Variants in SLC17A5 observed in about 807,000 individuals in gnomAD.
The protein encoded by SLC17A5 is solute carrier family 17 member 5.
Under a neutral mutation model 59.4 loss-of-function variants are expected in SLC17A5, and 47 were observed. The ratio of observed to expected loss-of-function variants is 0.79; its 90% CI spans 0.63 to 1.01. SLC17A5 has a LOEUF of 1.01. SLC17A5 is among the 50% of genes least tolerant of loss of function. The pLI is 0.00. For missense variants in SLC17A5, 522 were observed against 595.5 expected (o/e 0.88, Z 1.28); for synonymous variants, 202 against 210.7 (o/e 0.96, Z 0.36).
intron 9 of SLC17A5, among the ~76,000 whole-genome samples, chr6:73,606,094 G>A (rs1404530710): frequency 6.6e-6 from 1 of 151,954 alleles, no homozygotes; most frequent in East Asian, 1.9e-4. Flanking sequence ...CCAGGCTGGA[G>A]TGCAGTAGCA....
At chr6:73,610,270 G>A (rs1767586248) in intron 9 of SLC17A5, 130 bp downstream of exon 9, 2 of 1,040,420 alleles carry the variant, frequency 1.9e-6, no homozygotes, top group Non-Finnish European at 2.9e-6. Context: ...CTGACCTCAG[G>A]TTATCTGCCT....
chr6:73,649,024 G>T (rs2023053562), intron 1 of SLC17A5, among the ~76,000 whole-genome samples: 2 of 150,482 alleles, frequency 1.3e-5, no homozygotes, highest in African/African-American at 2.4e-5. Context: ...TGGAGATGGA[G>T]TCTTTCTCTG....
Position 73,621,858 on chromosome 6 carries a change from T to G in SLC17A5, c.924A>C (p.Leu308Phe). ...HFSYNWTFYT[L>F]LTLLPTYMKE... Reference sequence around the variant, plus strand: ...TCATATAAGTAGGCAATAATGTCAATAAAGTATAAAAAGTCCAGTTGTAAG... The same window carrying G: ...TCATATAAGTAGGCAATAATGTCAAGAAAGTATAAAAAGTCCAGTTGTAAG... The change falls in exon 7 of 11, where the codon TTA becomes TTC. Residue 308 changes from leucine (L) to phenylalanine (F), a missense_variant. Leu to Phe is a conservative substitution (Grantham distance 22, BLOSUM62 0). This residue lies in a region of SLC17A5 where 31 missense variants were observed against 63.2 expected (regional missense o/e 0.49). Coordinates refer to ENST00000355773, the MANE Select transcript of SLC17A5 (RefSeq NM_012434.5). 6.2e-7 allele frequency: 1 copy of G among 1,613,460 alleles called. No homozygotes were observed. Among genetic ancestry groups the G allele is most frequent in the Non-Finnish European group, 8.5e-7 (1 of 1,179,440 alleles).
chr6:73,627,727 C>T (rs1167436721), intron 6 of SLC17A5, among the ~76,000 whole-genome samples: 8 of 150,662 alleles, frequency 5.3e-5, no homozygotes, highest in Admixed American at 2.7e-4. Flanking sequence ...CTCCCAGGTT[C>T]GAGCAATTCT....
Position 73,644,418 on chromosome 6 carries a change from G to A in SLC17A5, c.280C>T (p.His94Tyr). 2.5e-6 allele frequency: 4 copies of A among 1,613,190 alleles called. No homozygotes were observed. Among genetic ancestry groups the A allele is most frequent in the Non-Finnish European group, 3.4e-6 (4 of 1,179,394 alleles). The change falls in exon 2 of 11, where the codon CAT becomes TAT. Residue 94 changes from histidine to tyrosine, a missense_variant. Transcript: ENST00000355773. ...AAAATAGCACCTACCGTTTGATTAT[G>A]ATGAACTTTTATGGGAGCAGAATGC... ...PEHSAPIKVH[H>Y]NQTGKKYQWD...
At chr6:73,648,434 G>A (rs984210135) in intron 1 of SLC17A5, among the ~76,000 whole-genome samples, 1 of 152,202 alleles carries the variant, frequency 6.6e-6, no homozygotes, top group African/African-American at 2.4e-5. Flanking sequence ...GTAACTGAAA[G>A]TACACAGGCT....
Position 73,610,463 on chromosome 6 carries a change from G to A in SLC17A5, c.1196C>T (p.Ser399Leu). ...YSLAVAFLTI[S>L]TTLGGFCSSG... is the part of the protein sequence containing the mutation. ...AGAGCAAAAGCCTCCCAGTGTTGTT[G>A]ATATAGTTAGGAAAGCAACGGCCAA... Residue 399 changes from serine to leucine, a missense_variant, in exon 9 of 11, where the codon TCA becomes TTA. Transcript: ENST00000355773. The A allele has an allele frequency of 1.2e-6, 2 of 1,614,126 alleles. No homozygotes were observed. The highest frequency in any genetic ancestry group is 8.5e-7 in the Non-Finnish European group (1 of 1,180,026).
chr6:73,626,924 G>C (rs1365276812), intron 6 of SLC17A5, among the ~76,000 whole-genome samples: 2 of 151,496 alleles, frequency 1.3e-5, no homozygotes, highest in Non-Finnish European at 2.9e-5. Flanking sequence ...AGCACTCACT[G>C]TCATGCCTGG....
intron 1 of SLC17A5, chr6:73,653,109 A>G (rs926005813): frequency 1.0e-6 from 1 of 985,360 alleles, no homozygotes; most frequent in Non-Finnish European, 1.2e-6. Flanking sequence ...AACTTAAATC[A>G]TAGACTGCCA....
At chr6:73,622,729 T>G (rs1455848607) in intron 6 of SLC17A5, among the ~76,000 whole-genome samples, 1 of 152,224 alleles carries the variant, frequency 6.6e-6, no homozygotes, top group Non-Finnish European at 1.5e-5. Context: ...TTTATAAAAA[T>G]TAGGCAATAC....
At chr6:73,612,706 C>T (rs1767685540) in intron 8 of SLC17A5, among the ~76,000 whole-genome samples, 1 of 152,116 alleles carries the variant, frequency 6.6e-6, no homozygotes, top group Non-Finnish European at 1.5e-5. Context: ...TCTGGAGTAG[C>T]TGGGACTACA....
chr6:73,642,175 G>T (rs1769316569), intron 2 of SLC17A5, among the ~76,000 whole-genome samples: 1 of 152,224 alleles, frequency 6.6e-6, no homozygotes, highest in Admixed American at 6.5e-5. Flanking sequence ...ACTGCAGGAT[G>T]AGCTGCCAGA....
intron 3 of SLC17A5, 57 bp downstream of exon 3, chr6:73,641,634 A>G: frequency 7.9e-7 from 1 of 1,266,158 alleles, no homozygotes; most frequent in Non-Finnish European, 1.1e-6. Flanking sequence ...GACATCTTTA[A>G]GAAGAAGAGA....
chr6:73,640,122 G>A (rs527886530), intron 3 of SLC17A5, among the ~76,000 whole-genome samples: 8 of 152,152 alleles, frequency 5.3e-5, no homozygotes, highest in East Asian at 1.9e-4. Flanking sequence ...TCAATATGCC[G>A]TAATGTTAAA....
chr6:73,644,300 A>T, intron 2 of SLC17A5, 107 bp downstream of exon 2: 1 of 895,404 alleles, frequency 1.1e-6, no homozygotes, highest in Non-Finnish European at 1.7e-6. Flanking sequence ...TTCAGAGTAT[A>T]CACAAACAAA....
intron 6 of SLC17A5, 30 bp downstream of exon 6, chr6:73,635,352 A>G (rs1295458421): frequency 8.0e-7 from 1 of 1,248,334 alleles, no homozygotes; most frequent in East Asian, 2.3e-5. Flanking sequence ...AGTTTCTGAC[A>G]TTATTTTTAA....
chr6:73,641,241 G>A (rs930908008), intron 3 of SLC17A5, among the ~76,000 whole-genome samples: 5 of 152,038 alleles, frequency 3.3e-5, no homozygotes, highest in African/African-American at 7.2e-5. Flanking sequence ...CACCATGCCC[G>A]GCTAATTTTT....
intron 6 of SLC17A5, among the ~76,000 whole-genome samples, chr6:73,632,415 CAT>C (rs1165172274): frequency 2.2e-5 from 3 of 138,232 alleles, no homozygotes; most frequent in Non-Finnish European, 4.6e-5. Flanking sequence ...GATTAAGACA[CAT>C]ATCGATGTAG....
chr6:73,649,322 G>A (rs1769738998), intron 1 of SLC17A5, among the ~76,000 whole-genome samples: 1 of 152,194 alleles, frequency 6.6e-6, no homozygotes, highest in African/African-American at 2.4e-5. Flanking sequence ...TTTATTACAA[G>A]CCGGGCATGG....
Sources: gnomAD v4.1 joint callset for allele counts (sites outside exome capture counted in the v4.1 genomes callset) on GRCh38, gnomAD v4.1.1 for gene constraint, gnomAD v4.1.1 regional missense constraint, MANE v1.5 for transcripts, NCBI Gene and HGNC (gene_info 2026-07-23, HGNC 2026-07-21) for gene names.